URB2: variants seen among roughly 807,000 people sequenced by gnomAD.
The protein encoded by URB2 is URB2 ribosome biogenesis homolog, also known as unhealthy ribosome biogenesis protein 2 homolog.
In URB2, 86 loss-of-function variants were observed where a neutral mutation model predicts 120.9. That is an observed-to-expected ratio of 0.71 (90% CI 0.60 to 0.85). The LOEUF (loss-of-function observed/expected upper bound fraction) is 0.85. Ranked by LOEUF, URB2 falls within the 40% of genes least tolerant of loss-of-function variation. The pLI, the probability that URB2 is intolerant of heterozygous loss-of-function variation, is 0.00. For missense variants in URB2, 1,765 were observed against 1,836.5 expected, an observed-to-expected ratio of 0.96 and a Z score of 0.71; for synonymous variants, 755 against 758.4, an observed-to-expected ratio of 1.00 and a Z score of 0.07.
rs1166333823 is a variant in URB2, at chr1:229,659,983, T to C, written c.*686T>C. ...AAGAAATAATCCTAATTGTTTTTTC[T>C]TATTACCTAAGCAATATATTTTTAT... On this transcript the variant is annotated 3_prime_UTR_variant, in exon 10 of 10. Coordinates refer to ENST00000258243, the MANE Select transcript of URB2 (RefSeq NM_014777.4). 1 of 152,194 alleles carries C rather than the reference T, an allele frequency of 6.6e-6. No individual in the cohort carries two copies. The highest frequency in any genetic ancestry group is 1.5e-5 in the Non-Finnish European group (1 of 68,030). 9.4% of individuals were successfully genotyped at this position (152,194 alleles called of 1,614,324 possible). A position where few individuals can be genotyped will look rare whatever the true frequency, so the allele number is the denominator to read the frequency against.
chr1:229,635,013 G>A lies in URB2; in HGVS notation c.400G>A (p.Ala134Thr), dbSNP rs114308095. ...RCCQGILSTP[A>T]LAVIYTAKQE... ...TTGCCAGGGCATCCTGTCGACACCTGCCCTGGCTGTCATCTACACGGCCAA... is the reference window on the plus strand; with the variant it reads ...TTGCCAGGGCATCCTGTCGACACCTACCCTGGCTGTCATCTACACGGCCAA... Residue 134 changes from alanine to threonine, a missense_variant, in exon 4 of 10, where the codon GCC becomes ACC. Ala to Thr is a moderately conservative substitution (Grantham distance 58, BLOSUM62 0). Transcript: ENST00000258243. 2.3e-5 allele frequency: 37 copies of A among 1,613,570 alleles called. No homozygotes were observed. The East Asian group carries it at 4.5e-4, about 19-fold the overall frequency.
At chr1:229,651,069 C>G (rs1666259222) in intron 7 of URB2, 166 bp from the exon 8 acceptor site, 1 of 471,874 alleles carries the variant, frequency 2.1e-6, no homozygotes, top group Non-Finnish European at 3.7e-6. Flanking sequence ...TGAGCAGTGA[C>G]AGCAGCATGT....
Position 229,637,966 on chromosome 1 carries a change from C to T in URB2, c.3353C>T (p.Ser1118Leu). The T allele has an allele frequency of 6.2e-7, 1 of 1,613,732 alleles. No homozygotes were observed. The highest frequency in any genetic ancestry group is 1.1e-5 in the South Asian group (1 of 90,990). ...RGWRLPSVLI[S>L]SVSTLLEADL... is the part of the protein sequence containing the mutation. ...TGGCGCCTTCCCTCGGTCCTCATCT[C>T]ATCCGTCAGCACGCTCTTGGAAGCC... The change falls in exon 4 of 10, where the codon TCA (serine) becomes TTA (leucine). Residue 1118 changes from serine to leucine, a missense_variant. By Grantham distance (145) the Ser-to-Leu change is moderately radical. Coordinates refer to ENST00000258243, the MANE Select transcript of URB2 (RefSeq NM_014777.4).
intron 7 of URB2, among the ~76,000 whole-genome samples, chr1:229,648,068 C>T (rs567221285): frequency 9.7e-4 from 147 of 152,312 alleles, no homozygotes; most frequent in Admixed American, 1.8e-3. Context: ...GTGCTGACAT[C>T]ATGCTACCAG....
chr1:229,637,985 G>A lies in URB2; in HGVS notation c.3372G>A (p.Leu1124=), dbSNP rs371142349. Residue 1124 remains leucine (L), a synonymous_variant, in exon 4 of 10, where the codon TTG becomes TTA. Transcript: ENST00000258243. ...TCATCTCATCCGTCAGCACGCTCTT[G>A]GAAGCCGACCTGGGTCAGCACTGCA... is the stretch of plus-strand genomic sequence containing the variant. ...SVLISSVSTL[L]EADLGQHCRD... The A allele has an allele frequency of 2.4e-5, 39 of 1,613,546 alleles. No individual in the cohort carries two copies. The highest frequency in any genetic ancestry group is 3.2e-5 in the Non-Finnish European group (38 of 1,179,778).
rs116060881 is a variant in URB2, at chr1:229,654,295, T to C, written c.4284T>C (p.Val1428=). The change falls in exon 9 of 10, where the codon GTT becomes GTC. Residue 1428 remains valine, a synonymous_variant. Transcript: ENST00000258243. ...CGGTCCTAAAGTGTGCACGCCTGGT[T>C]GAAAGAATGTACAGCCACATCGCCG... ...LPTVLKCARL[V]ERMYSHIAAR... 240 of 1,614,190 alleles carry C rather than the reference T, an allele frequency of 1.5e-4. 1 individual carries two copies. The African/African-American group carries it at 2.8e-3, about 19-fold the overall frequency.
Position 229,637,392 on chromosome 1 carries a change from A to C in URB2, c.2779A>C (p.Thr927Pro), listed in dbSNP as rs1164334802. The change falls in exon 4 of 10, where the codon ACC becomes CCC. Residue 927 changes from threonine to proline, a missense_variant. Transcript: ENST00000258243. Reference protein sequence around the residue: ...YFLVLLSMAVTKLGCSCSSSL... With the variant: ...YFLVLLSMAVPKLGCSCSSSL... ...TCTTGTGTTACTGTCCATGGCCGTC[A>C]CCAAACTAGGATGCTCTTGCTCCTC... is the stretch of plus-strand genomic sequence containing the variant. The C allele has an allele frequency of 2.5e-6, 4 of 1,614,228 alleles. No homozygotes were observed. The highest frequency in any genetic ancestry group is 3.3e-5 in the Admixed American group (2 of 60,032).
chr1:229,641,414 G>A (rs1050418136), intron 4 of URB2, among the ~76,000 whole-genome samples: 2 of 152,140 alleles, frequency 1.3e-5, no homozygotes, highest in African/African-American at 4.8e-5. Context: ...TCAGGGTTGG[G>A]CAAGGCCAGC....
intron 5 of URB2, 60 bp from the exon 6 acceptor site, chr1:229,645,799 C>T (rs941544142): frequency 4.6e-5 from 65 of 1,406,294 alleles, no homozygotes; most frequent in African/African-American, 1.1e-4. Flanking sequence ...CTTCCCCAGG[C>T]GGAGTTCTTA....
chr1:229,654,141 A>C, intron 8 of URB2, 108 bp from the exon 9 acceptor site: 1 of 1,500,960 alleles, frequency 6.7e-7, no homozygotes, highest in Non-Finnish European at 9.1e-7. Flanking sequence ...GTCTGGGAAA[A>C]CATGTAACAC....
intron 7 of URB2, among the ~76,000 whole-genome samples, chr1:229,649,577 A>G (rs1666222801): frequency 6.6e-6 from 1 of 152,228 alleles, no homozygotes; most frequent in Non-Finnish European, 1.5e-5. Context: ...AATGATGTGA[A>G]TTAATCATAG....
chr1:229,629,285 G>A (rs1665605169), intron 2 of URB2, among the ~76,000 whole-genome samples: 1 of 152,148 alleles, frequency 6.6e-6, no homozygotes, highest in African/African-American at 2.4e-5. Flanking sequence ...TAGGTAATGT[G>A]GGGGAAGCCA....
chr1:229,626,817 C>T (rs953307141), intron 1 of URB2, among the ~76,000 whole-genome samples: 2 of 152,254 alleles, frequency 1.3e-5, no homozygotes, highest in African/African-American at 2.4e-5. Context: ...GAAAGTCAGG[C>T]ATCGTTGAAT....
rs1389487522 is a variant in URB2 at position 229,632,256 on chromosome 1, C to A, written c.127-13C>A. 1.3e-6 allele frequency: 2 copies of A among 1,522,086 alleles called. No individual in the cohort carries two copies. The highest frequency in any genetic ancestry group is 8.7e-7 in the Non-Finnish European group (1 of 1,143,782). 94.3% of individuals were successfully genotyped at this position (1,522,086 alleles called of 1,614,324 possible). On this transcript the variant is annotated splice_polypyrimidine_tract_variant and intron_variant, in intron 2 of 9. Transcript: ENST00000258243. Reference sequence around the variant, plus strand: ...ATAAATTTATTTTCAGTGTATGTGTCCTTCAAATTCAGGTGTTACTTGATT... The same window carrying A: ...ATAAATTTATTTTCAGTGTATGTGTACTTCAAATTCAGGTGTTACTTGATT...
chr1:229,655,302 CA>C (rs1458106235), intron 9 of URB2, among the ~76,000 whole-genome samples: 5 of 152,160 alleles, frequency 3.3e-5, no homozygotes, highest in African/African-American at 1.2e-4. Flanking sequence ...GGTGTGATCT[CA>C]GCTCACTGCA....
In URB2 at chr1:229,654,263, C is replaced by T. The variant is rs1171145188; in HGVS notation, c.4252C>T (p.Leu1418=). ...GTTGTCTGTAGGAAGCATAGATGAC[C>T]TGCCTACGGTCCTAAAGTGTGCACG... The part of the protein sequence containing the change: ...RQKDKGSIDD[L]PTVLKCARLV... The change falls in exon 9 of 10, where the codon CTG becomes TTG. Residue 1418 remains leucine (L), a synonymous_variant. Transcript: ENST00000258243. The T allele has an allele frequency of 1.9e-6, 3 of 1,613,840 alleles. No homozygotes were observed. Among genetic ancestry groups the T allele is most frequent in the Admixed American group, 3.3e-5 (2 of 59,976 alleles).
In URB2 at chr1:229,643,565, A is replaced by T; in HGVS notation, c.3667A>T (p.Ile1223Phe). ...AATTCCTGTTCAGGTCACTCAGGAT[A>T]TTGAGCCTCATTTGGGAGCCTTGTT... ...PEIPVQVTQD[I>F]EPHLGALFTQ... Residue 1223 changes from isoleucine to phenylalanine, a missense_variant, in exon 5 of 10, where the codon ATT becomes TTT. By Grantham distance (21) the Ile-to-Phe change is conservative. Transcript: ENST00000258243. 1 of 1,614,186 alleles carries T rather than the reference A, an allele frequency of 6.2e-7. No individual in the cohort carries two copies. Among genetic ancestry groups the T allele is most frequent in the Non-Finnish European group, 8.5e-7 (1 of 1,180,020 alleles).
At chr1:229,634,872 G>C in intron 3 of URB2, 45 bp from the exon 4 acceptor site, 1 of 1,454,872 alleles carries the variant, frequency 6.9e-7, no homozygotes, top group Non-Finnish European at 9.1e-7. Flanking sequence ...GTGTATGTAT[G>C]GGTTTAAGGT....
At position 229,635,115 on chromosome 1, in the gene URB2, C is replaced by T. The variant is rs769320005; in HGVS notation, c.502C>T (p.Gln168Ter). Residue 168 changes from glutamine (Q) to a stop codon, truncating the protein, a stop_gained, in exon 4 of 10, where the codon CAG becomes TAG. Coordinates refer to ENST00000258243, the MANE Select transcript of URB2 (RefSeq NM_014777.4). LOFTEE classifies it high-confidence loss of function. ...GCAGCCCGAAGGAGCTGTGGTAGCC[C>T]AGTTGTTTGAGGTCATTCACCTGGC... ...CRQPEGAVVA[Q>*]LFEVIHLALG... 3 of 1,614,024 alleles carry T rather than the reference C, an allele frequency of 1.9e-6. No homozygotes were observed. Among genetic ancestry groups the T allele is most frequent in the Non-Finnish European group, 2.5e-6 (3 of 1,179,978 alleles).
Sources: gnomAD v4.1 joint callset for allele counts (sites outside exome capture counted in the v4.1 genomes callset) on GRCh38, gnomAD v4.1.1 for gene constraint, MANE v1.5 for transcripts, NCBI Gene and HGNC (gene_info 2026-07-23, HGNC 2026-07-21) for gene names.